PLEKHA3: variants seen among roughly 807,000 people sequenced by gnomAD.
PLEKHA3 encodes pleckstrin homology domain containing A3, also known as pleckstrin homology domain-containing family A member 3.
In PLEKHA3, 19 loss-of-function variants were observed where a neutral mutation model predicts 39.2. The observed-to-expected ratio is 0.48, with a 90% CI of 0.34 to 0.71. The LOEUF (loss-of-function observed/expected upper bound fraction) is 0.71. Among genes scored for constraint, PLEKHA3 ranks in the 30% least tolerant of loss-of-function variants. The pLI, the probability that PLEKHA3 is intolerant of heterozygous loss-of-function variation, is 0.01. For synonymous variants in PLEKHA3, 97 were observed against 118.6 expected, an observed-to-expected ratio of 0.82 and a Z score of 1.18; for missense variants, 253 against 359.5, an observed-to-expected ratio of 0.70 and a Z score of 2.40.
In PLEKHA3 at chr2:178,493,935, T is replaced by A; in HGVS notation, c.396T>A (p.His132Gln). Residue 132 changes from histidine (H) to glutamine (Q), a missense_variant, in exon 4 of 8, where the codon CAT becomes CAA. Transcript: ENST00000234453. ...LYCDLLMQQV[H>Q]TIQEFVHHDE... ...GTGACCTCTTAATGCAGCAAGTTCA[T>A]ACAATACAGGAATTTGTTCACCATG... is the stretch of plus-strand genomic sequence containing the variant. 6.2e-7 allele frequency: 1 copy of A among 1,614,136 alleles called. No individual in the cohort carries two copies. Among genetic ancestry groups the A allele is most frequent in the East Asian group, 2.2e-5 (1 of 44,886 alleles).
intron 5 of PLEKHA3, among the ~76,000 whole-genome samples, chr2:178,496,892 G>T (rs927663811): frequency 6.7e-5 from 10 of 150,096 alleles, no homozygotes; most frequent in African/African-American, 2.2e-4. Flanking sequence ...TTGTAGAGAT[G>T]GGGGGGGTCT....
In PLEKHA3 at chr2:178,512,049, A is replaced by G. The variant is rs1456374418; in HGVS notation, c.*8162A>G. 6.6e-6 allele frequency: 1 copy of G among 152,248 alleles called. No homozygotes were observed. Among genetic ancestry groups the G allele is most frequent in the Non-Finnish European group, 1.5e-5 (1 of 68,048 alleles). The allele number at this position is 152,248 out of a possible 1,614,324, so 9.4% of individuals were successfully genotyped here. On this transcript the variant is annotated 3_prime_UTR_variant, in exon 8 of 8. Coordinates refer to ENST00000234453, the MANE Select transcript of PLEKHA3 (RefSeq NM_019091.4). ...AGAGATGCGGAAGTACAGGACTACC[A>G]GTGCAGCCAAGATGCACAGCACCAG...
intron 1 of PLEKHA3, chr2:178,482,124 T>C (rs1180802825): frequency 2.0e-5 from 3 of 153,784 alleles, no homozygotes; most frequent in Non-Finnish European, 4.4e-5. Flanking sequence ...AAAACTCAAT[T>C]TATTTCTATA....
At chr2:178,480,948 G>C in intron 1 of PLEKHA3, 39 bp downstream of exon 1, 2 of 1,306,736 alleles carry the variant, frequency 1.5e-6, no homozygotes, top group South Asian at 6.4e-5. Flanking sequence ...GGGGAGAGGC[G>C]GGGGGCTGCT....
intron 7 of PLEKHA3, among the ~76,000 whole-genome samples, chr2:178,503,101 T>C (rs1255590584): frequency 6.6e-6 from 1 of 152,052 alleles, no homozygotes; most frequent in Non-Finnish European, 1.5e-5. Flanking sequence ...AAGTAATAAA[T>C]GATGATGGTA....
Position 178,507,255 on chromosome 2 carries a change from C to A in PLEKHA3, c.*3368C>A, listed in dbSNP as rs2366577. On this transcript the variant is annotated 3_prime_UTR_variant, in exon 8 of 8. Coordinates refer to ENST00000234453, the MANE Select transcript of PLEKHA3 (RefSeq NM_019091.4). ...CACCTCCCACATTTTTCTTCCCCCACCCCTCCCAAAATAGATTTATATTCA... is the reference window on the plus strand; with the variant it reads ...CACCTCCCACATTTTTCTTCCCCCAACCCTCCCAAAATAGATTTATATTCA... The A allele has an allele frequency of 6.6e-6, 1 of 152,008 alleles. No homozygotes were observed. Among genetic ancestry groups the A allele is most frequent in the Non-Finnish European group, 1.5e-5 (1 of 68,012 alleles). The allele number at this position is 152,008 out of a possible 1,614,324, so 9.4% of individuals were successfully genotyped here.
In PLEKHA3 at chr2:178,508,298, C is replaced by T. The variant is rs1385476116; in HGVS notation, c.*4411C>T. 6.6e-6 allele frequency: 1 copy of T among 151,824 alleles called. No individual in the cohort carries two copies. Among genetic ancestry groups the T allele is most frequent in the Non-Finnish European group, 1.5e-5 (1 of 67,866 alleles). 9.4% of individuals were successfully genotyped at this position (151,824 alleles called of 1,614,324 possible). The stretch of plus-strand genomic sequence containing the variant: ...TTTCTTTATATATATATTTTAATTT[C>T]TAAGAGGTCTTTTTTTTCTGTTTCA... On this transcript the variant is annotated 3_prime_UTR_variant, in exon 8 of 8. Coordinates refer to ENST00000234453, the MANE Select transcript of PLEKHA3 (RefSeq NM_019091.4).
At chr2:178,487,383 C>A (rs374866997) in intron 2 of PLEKHA3, among the ~76,000 whole-genome samples, 9 of 152,106 alleles carry the variant, frequency 5.9e-5, no homozygotes, top group African/African-American at 1.9e-4. Flanking sequence ...ATGAGCCTGA[C>A]TAAAATTTGG....
rs1417010269 is a variant in PLEKHA3 at position 178,513,512 on chromosome 2, A to C, written c.*9625A>C. On this transcript the variant is annotated 3_prime_UTR_variant, in exon 8 of 8. Transcript: ENST00000234453. Reference sequence around the variant, plus strand: ...GCTAGAACGAGGCCATTTTCTTTCAAAAGACAGTCCTAGAGTTTCCAGTGG... The same window carrying C: ...GCTAGAACGAGGCCATTTTCTTTCACAAGACAGTCCTAGAGTTTCCAGTGG... 6.6e-6 allele frequency: 1 copy of C among 152,124 alleles called. No individual in the cohort carries two copies. The highest frequency in any genetic ancestry group is 2.4e-5 in the African/African-American group (1 of 41,404). The allele number at this position is 152,124 out of a possible 1,614,324, so 9.4% of individuals were successfully genotyped here.
In PLEKHA3 at chr2:178,514,644, A is replaced by G. The variant is rs1455891801; in HGVS notation, c.*10757A>G. ...TCATGAATTCAAAGACCCTTGTCAC[A>G]TGGTGCTCAGGAAAAAAAAAGTGCC... On this transcript the variant is annotated 3_prime_UTR_variant, in exon 8 of 8. Coordinates refer to ENST00000234453, the MANE Select transcript of PLEKHA3 (RefSeq NM_019091.4). 1 of 151,470 alleles carries G rather than the reference A, an allele frequency of 6.6e-6. No homozygotes were observed. Among genetic ancestry groups the G allele is most frequent in the East Asian group, 1.9e-4 (1 of 5,154 alleles). 9.4% of individuals were successfully genotyped at this position (151,470 alleles called of 1,614,324 possible). A position where few individuals can be genotyped will look rare whatever the true frequency, so the allele number is the denominator to read the frequency against.
Position 178,501,076 on chromosome 2 carries a change from A to T in PLEKHA3, c.675A>T (p.Ile225=). 6.2e-7 allele frequency: 1 copy of T among 1,612,492 alleles called. No homozygotes were observed. The highest frequency in any genetic ancestry group is 8.5e-7 in the Non-Finnish European group (1 of 1,178,942). ...TAATTTGCAGGAGTAGCCACTCTAT[A>T]AAAGAACCAGTATCTACACTTCACC... The part of the protein sequence containing the change: ...SCSSERSSHS[I]KEPVSTLHRL... Residue 225 remains isoleucine, a synonymous_variant, in exon 7 of 8, where the codon ATA becomes ATT. Coordinates refer to ENST00000234453, the MANE Select transcript of PLEKHA3 (RefSeq NM_019091.4).
rs893740194 is a variant in PLEKHA3 at position 178,506,931 on chromosome 2, A to G, written c.*3044A>G. On this transcript the variant is annotated 3_prime_UTR_variant, in exon 8 of 8. Transcript: ENST00000234453. The stretch of plus-strand genomic sequence containing the variant: ...AATCCACTCTTTGAATTCATGTTGA[A>G]TTCTTAACTTGAAATTCTGTTGTTT... 6.6e-6 allele frequency: 1 copy of G among 151,786 alleles called. No homozygotes were observed. The highest frequency in any genetic ancestry group is 1.5e-5 in the Non-Finnish European group (1 of 67,934). 9.4% of individuals were successfully genotyped at this position (151,786 alleles called of 1,614,324 possible). A position where few individuals can be genotyped will look rare whatever the true frequency, so the allele number is the denominator to read the frequency against.
chr2:178,507,910 T>G lies in PLEKHA3; in HGVS notation c.*4023T>G, dbSNP rs1685628891. On this transcript the variant is annotated 3_prime_UTR_variant, in exon 8 of 8. Coordinates refer to ENST00000234453, the MANE Select transcript of PLEKHA3 (RefSeq NM_019091.4). The stretch of plus-strand genomic sequence containing the variant: ...TACCGTTCCTTTACCTGGGATCTGT[T>G]TTTACACTCTGTAAGCTTTTAGGAA... 1 of 153,500 alleles carries G rather than the reference T, an allele frequency of 6.5e-6. No individual in the cohort carries two copies. The allele number at this position is 153,500 out of a possible 1,614,324, so 9.5% of individuals were successfully genotyped here. A position where few individuals can be genotyped will look rare whatever the true frequency, so the allele number is the denominator to read the frequency against.
chr2:178,484,457 T>A (rs1220510187), intron 1 of PLEKHA3, among the ~76,000 whole-genome samples: 1 of 152,204 alleles, frequency 6.6e-6, no homozygotes, highest in African/African-American at 2.4e-5. Context: ...AGTGTTGTCA[T>A]TTCAAAAGTG....
chr2:178,480,968 G>A (rs1229767817), intron 1 of PLEKHA3, 59 bp downstream of exon 1: 10 of 1,288,518 alleles, frequency 7.8e-6, no homozygotes, highest in Non-Finnish European at 1.0e-5. Flanking sequence ...TGAGAAGGCG[G>A]GTCGGGGCTC....
At position 178,503,747 on chromosome 2, in the gene PLEKHA3, A is replaced by G. The variant is rs980119005; in HGVS notation, c.776-13A>G. 3 of 1,608,912 alleles carry G rather than the reference A, an allele frequency of 1.9e-6. No homozygotes were observed. In the East Asian group the frequency reaches 6.7e-5, roughly 36 times the overall value. On this transcript the variant is annotated splice_polypyrimidine_tract_variant and intron_variant, in intron 7 of 7. Transcript: ENST00000234453. ...TGACAGGATGTTTAACGTTTTTATC[A>G]ATGTCTTCATAGGACCTGTTCACTG...
rs1465361149 is a variant in PLEKHA3 at position 178,512,738 on chromosome 2, C to T, written c.*8851C>T. ...GATGTTCTAGGAAAACTTTTCAGTC[C>T]CGCTCAGTGCTGCCATCTTTTTCTC... is the stretch of plus-strand genomic sequence containing the variant. On this transcript the variant is annotated 3_prime_UTR_variant, in exon 8 of 8. Coordinates refer to ENST00000234453, the MANE Select transcript of PLEKHA3 (RefSeq NM_019091.4). The T allele has an allele frequency of 6.5e-6, 1 of 153,778 alleles. No homozygotes were observed. The highest frequency in any genetic ancestry group is 1.5e-5 in the Non-Finnish European group (1 of 68,026). The allele number at this position is 153,778 out of a possible 1,614,324, so 9.5% of individuals were successfully genotyped here.
At chr2:178,487,983 A>G (rs1004908084) in intron 2 of PLEKHA3, among the ~76,000 whole-genome samples, 8 of 152,006 alleles carry the variant, frequency 5.3e-5, no homozygotes, top group Non-Finnish European at 1.0e-4. Flanking sequence ...AGCCATTTGA[A>G]TGTCCTCTTG....
In PLEKHA3 at chr2:178,495,800, G is replaced by C. The variant is rs1559384739; in HGVS notation, c.615+140G>C. ...GCTAACAAGTTGAATTTTTTTGTTT[G>C]TACTGTTTCATATTCGAGCTTCTTA... On this transcript the variant is annotated intron_variant, in intron 5 of 7. Coordinates refer to ENST00000234453, the MANE Select transcript of PLEKHA3 (RefSeq NM_019091.4). 4.4e-6 allele frequency: 4 copies of C among 903,048 alleles called. No individual in the cohort carries two copies. In the South Asian group the frequency reaches 5.2e-5, roughly 12 times the overall value. 55.9% of individuals were successfully genotyped at this position (903,048 alleles called of 1,614,324 possible).
Sources: allele counts gnomAD v4.1 joint callset (sites outside exome capture counted in the v4.1 genomes callset), GRCh38; gene constraint gnomAD v4.1.1; transcripts MANE v1.5; gene names NCBI Gene and HGNC (gene_info 2026-07-23, HGNC 2026-07-21).